The following SGIP1 variants were observed in gnomAD, a reference collection of about 807,000 sequenced individuals.
SGIP1 encodes SH3GL interacting endocytic adaptor 1.
Under a neutral mutation model 107.5 loss-of-function variants are expected in SGIP1, and 38 were observed. The ratio of observed to expected loss-of-function variants is 0.35; its 90% CI spans 0.27 to 0.46. The LOEUF (loss-of-function observed/expected upper bound fraction) is 0.46. SGIP1 is among the 20% of genes least tolerant of loss of function. The pLI is 1.00. For synonymous variants in SGIP1, 365 were observed against 366.1 expected, an observed-to-expected ratio of 1.00 and a Z score of 0.03; for missense variants, 929 against 1,019.5, an observed-to-expected ratio of 0.91 and a Z score of 1.21.
At chr1:66,651,666 A>G (rs2078779707) in intron 7 of SGIP1, among the ~76,000 whole-genome samples, 1 of 152,158 alleles carries the variant, frequency 6.6e-6, no homozygotes, top group Non-Finnish European at 1.5e-5. Flanking sequence ...CCACCCATAG[A>G]AGACCATCCA....
At chr1:66,707,067 C>T (rs920040100) in intron 18 of SGIP1, among the ~76,000 whole-genome samples, 3 of 151,574 alleles carry the variant, frequency 2.0e-5, no homozygotes, top group African/African-American at 7.3e-5. Context: ...TTGATGAAAC[C>T]CTGTCTGCAT....
intron 12 of SGIP1, among the ~76,000 whole-genome samples, chr1:66,674,026 G>A (rs2084567020): frequency 6.6e-6 from 1 of 151,986 alleles, no homozygotes; most frequent in Non-Finnish European, 1.5e-5. Flanking sequence ...AAATTAGCCG[G>A]GCATGGTGGT....
chr1:66,736,281 G>T (rs942947698), intron 21 of SGIP1, among the ~76,000 whole-genome samples: 1 of 129,174 alleles, frequency 7.7e-6, no homozygotes, highest in Admixed American at 8.1e-5. Context: ...TATACAAATA[G>T]TTTAAAATAT....
intron 9 of SGIP1, 36 bp from the exon 10 acceptor site, chr1:66,670,958 TG>T: frequency 9.2e-7 from 1 of 1,084,196 alleles, no homozygotes; most frequent in Non-Finnish European, 1.3e-6. Context: ...AACATATATG[TG>T]GTCTTAAACC....
At chr1:66,592,153 G>A (rs1004588688) in intron 1 of SGIP1, among the ~76,000 whole-genome samples, 1 of 152,118 alleles carries the variant, frequency 6.6e-6, no homozygotes, top group Non-Finnish European at 1.5e-5. Context: ...CGGGCTGGGG[G>A]ACGGTCAGGT....
At chr1:66,583,018 C>A (rs1448603605) in intron 1 of SGIP1, among the ~76,000 whole-genome samples, 2 of 151,870 alleles carry the variant, frequency 1.3e-5, no homozygotes, top group Non-Finnish European at 1.5e-5. Flanking sequence ...ATATTTATAA[C>A]ATTTTTATAT....
At chr1:66,635,759 T>C (rs1323196878) in intron 3 of SGIP1, among the ~76,000 whole-genome samples, 185 bp from the exon 4 acceptor site, 1 of 152,160 alleles carries the variant, frequency 6.6e-6, no homozygotes, top group Non-Finnish European at 1.5e-5. Flanking sequence ...TAGAGCCTCA[T>C]TATGGGCCCC....
At chr1:66,695,269 A>AAAAAAAAAAAG in intron 17 of SGIP1, 165 bp from the exon 18 acceptor site, 1 of 1,336,824 alleles carries the variant, frequency 7.5e-7, no homozygotes, top group South Asian at 2.0e-5. Context: ...AAAAAAAAAA[A>AAAAAAAAAAAG]AAGTGTAGAT....
chr1:66,562,257 A>G (rs886437544), intron 1 of SGIP1, among the ~76,000 whole-genome samples: 2 of 152,012 alleles, frequency 1.3e-5, no homozygotes, highest in Non-Finnish European at 2.9e-5. Flanking sequence ...ACTCTGCACA[A>G]CAGCTAGTTT....
chr1:66,619,199 G>A (rs138410552), intron 1 of SGIP1, among the ~76,000 whole-genome samples: 259 of 152,256 alleles, frequency 1.7e-3, no homozygotes, highest in Non-Finnish European at 3.3e-3. Context: ...AGCACAGTGA[G>A]GGATGAGAGG....
chr1:66,747,286 C>T lies in SGIP1; in HGVS notation c.*4191C>T, dbSNP rs1345723176. 85 of 152,040 alleles carry T rather than the reference C, an allele frequency of 5.6e-4. No individual in the cohort carries two copies. The highest frequency in any genetic ancestry group is 5.5e-3 in the Admixed American group (84 of 15,272). The allele number at this position is 152,040 out of a possible 1,614,324, so 9.4% of individuals were successfully genotyped here. A position where few individuals can be genotyped will look rare whatever the true frequency, so the allele number is the denominator to read the frequency against. On this transcript the variant is annotated 3_prime_UTR_variant, in exon 25 of 25. Coordinates refer to ENST00000371037, the MANE Select transcript of SGIP1 (RefSeq NM_032291.4). ...TCTCTAAGGTCCTTCTTAGTTCTGA[C>T]ATTATATCAGATTTTAAGCATTAAA...
intron 1 of SGIP1, among the ~76,000 whole-genome samples, chr1:66,571,411 T>A (rs72670253): frequency 0.15 from 23,295 of 151,934 alleles, 1,854 homozygotes; most frequent in Admixed American, 0.19. Flanking sequence ...AATGTAGACC[T>A]GATTAAATGA....
intron 2 of SGIP1, among the ~76,000 whole-genome samples, chr1:66,630,835 GAAAGAA>G (rs2074167197): frequency 1.3e-4 from 1 of 7,860 alleles, no homozygotes; most frequent in African/African-American, 8.5e-4. Flanking sequence ...AAGAAAGAAA[GAAAGAA>G]AGAAAGAAAG....
Position 66,657,102 on chromosome 1 carries a change from G to A in SGIP1, c.460-3411G>A, listed in dbSNP as rs993554311. On this transcript the variant is annotated intron_variant, in intron 7 of 24. Transcript: ENST00000371037. ...GAGATGGGAGGATCACTTGAGCCCA[G>A]GAGTTCAAGGTTAGAGTGAGCTATG... 4.6e-5 allele frequency among the ~76,000 whole-genome samples: 7 copies of A among 152,142 alleles called. No individual in the cohort carries two copies. The South Asian group carries it at 1.2e-3, about 27-fold the overall frequency.
intron 1 of SGIP1, among the ~76,000 whole-genome samples, chr1:66,596,934 C>T (rs1415818733): frequency 6.6e-6 from 1 of 152,100 alleles, no homozygotes; most frequent in Non-Finnish European, 1.5e-5. Context: ...TATTTTCAAA[C>T]TCAAGGTAGC....
intron 19 of SGIP1, among the ~76,000 whole-genome samples, chr1:66,723,063 T>C (rs1028680801): frequency 6.6e-6 from 1 of 152,234 alleles, no homozygotes; most frequent in Admixed American, 6.5e-5. Context: ...AACTTATAAA[T>C]GAATCATGAA....
intron 1 of SGIP1, among the ~76,000 whole-genome samples, chr1:66,547,536 C>A (rs915157865): frequency 2.4e-4 from 37 of 152,126 alleles, no homozygotes; most frequent in Admixed American, 1.4e-3. Flanking sequence ...CATGGCAACC[C>A]AGTTCAAGTT....
chr1:66,586,654 C>T (rs1363963734), intron 1 of SGIP1, among the ~76,000 whole-genome samples: 1 of 152,016 alleles, frequency 6.6e-6, no homozygotes, highest in Non-Finnish European at 1.5e-5. Flanking sequence ...CCTCTATATG[C>T]TTTTAGCACC....
chr1:66,723,096 C>A (rs2093613956), intron 19 of SGIP1, among the ~76,000 whole-genome samples: 1 of 152,132 alleles, frequency 6.6e-6, no homozygotes, highest in African/African-American at 2.4e-5. Flanking sequence ...TATTTAATTT[C>A]ATCTTCAGCA....
Sources: allele counts gnomAD v4.1 joint callset (sites outside exome capture counted in the v4.1 genomes callset), GRCh38; gene constraint gnomAD v4.1.1; transcripts MANE v1.5; gene names NCBI Gene and HGNC (gene_info 2026-07-23, HGNC 2026-07-21).